The following KDM1B variants were observed in gnomAD, a reference collection of about 807,000 sequenced individuals.
KDM1B encodes lysine demethylase 1B, also known as lysine-specific histone demethylase 2.
Under a neutral mutation model 107.4 loss-of-function variants are expected in KDM1B, and 63 were observed. That is an observed-to-expected ratio of 0.59 (90% CI 0.48 to 0.72). The LOEUF is 0.72. Among genes scored for constraint, KDM1B ranks in the 30% least tolerant of loss-of-function variants. The pLI is 0.00. For synonymous variants in KDM1B, 363 were observed against 363.9 expected, an observed-to-expected ratio of 1.00 and a Z score of 0.03; for missense variants, 749 against 1,020.8, an observed-to-expected ratio of 0.73 and a Z score of 3.63.
intron 6 of KDM1B, among the ~76,000 whole-genome samples, chr6:18,167,924 G>C (rs527760102): frequency 1.3e-5 from 2 of 151,976 alleles, no homozygotes; most frequent in South Asian, 2.1e-4. Context: ...ACCATGTCCA[G>C]CTAATTTGTT....
chr6:18,163,475 G>T (rs1048630168), intron 5 of KDM1B, among the ~76,000 whole-genome samples: 3 of 151,858 alleles, frequency 2.0e-5, no homozygotes, highest in African/African-American at 7.3e-5. Context: ...TTTGCTTTAG[G>T]TTTAATTTTT....
At chr6:18,156,993 A>G (rs553421605) in intron 2 of KDM1B, among the ~76,000 whole-genome samples, 3 of 152,332 alleles carry the variant, frequency 2.0e-5, no homozygotes, top group Admixed American at 2.0e-4. Context: ...CTACATATTG[A>G]TATATCCACT....
At chr6:18,206,665 T>C (rs1225749503) in intron 15 of KDM1B, among the ~76,000 whole-genome samples, 1 of 152,064 alleles carries the variant, frequency 6.6e-6, no homozygotes, top group Non-Finnish European at 1.5e-5. Flanking sequence ...TCTCAAGTGA[T>C]CCTCCTGCCT....
chr6:18,171,840 A>G (rs1303955374), intron 7 of KDM1B, among the ~76,000 whole-genome samples: 1 of 152,154 alleles, frequency 6.6e-6, no homozygotes, highest in Non-Finnish European at 1.5e-5. Context: ...AAAAGGGGGA[A>G]AGGTCAAAGG....
Position 18,166,309 on chromosome 6 carries a change from A to G in KDM1B, c.348A>G (p.Ile116Met), listed in dbSNP as rs149694322. The change falls in exon 6 of 22, where the codon ATA becomes ATG. Residue 116 changes from isoleucine (I) to methionine (M), a missense_variant. Coordinates refer to ENST00000650836, the MANE Select transcript of KDM1B (RefSeq NM_001364614.2). ...GYDKYTTWKK[I>M]WTSNGKTEPS... ...ACAAATATACTACATGGAAAAAAAT[A>G]TGGACTAGCAATGGCAAAACCGAAC... The G allele has an allele frequency of 1.2e-6, 2 of 1,612,322 alleles. No homozygotes were observed. The highest frequency in any genetic ancestry group is 2.2e-5 in the East Asian group (1 of 44,876).
chr6:18,211,118 A>G lies in KDM1B; in HGVS notation c.1867-1370A>G, dbSNP rs564236087. 1.3e-5 allele frequency among the ~76,000 whole-genome samples: 2 copies of G among 152,208 alleles called. No homozygotes were observed. The highest frequency in any genetic ancestry group is 4.1e-4 in the South Asian group (2 of 4,832). ...GGTTGCATGGTAATTATCTATAAAT[A>G]GATTATAAACTTCTTGATGATAGAG... On this transcript the variant is annotated intron_variant, in intron 17 of 21. Transcript: ENST00000650836. The surrounding 1 kb of genome is among the most constrained non-coding windows in gnomAD (Gnocchi z 5.2).
intron 2 of KDM1B, among the ~76,000 whole-genome samples, chr6:18,157,572 C>T (rs1434705365): frequency 6.6e-6 from 1 of 151,882 alleles, no homozygotes; most frequent in African/African-American, 2.4e-5. Context: ...GATATTTTTG[C>T]TATAATACTT....
At position 18,162,470 on chromosome 6, in the gene KDM1B, C is replaced by T. The variant is rs560364907; in HGVS notation, c.216-365C>T. 6.6e-6 allele frequency among the ~76,000 whole-genome samples: 1 copy of T among 152,174 alleles called. No individual in the cohort carries two copies. Among genetic ancestry groups the T allele is most frequent in the East Asian group, 1.9e-4 (1 of 5,184 alleles). On this transcript the variant is annotated intron_variant, in intron 4 of 21. Transcript: ENST00000650836. This position sits in a 1 kb window ranked among gnomAD's most constrained non-coding sequence, Gnocchi z 4.1. ...GCTTGATGTTCAGATTTCAGCTGAC[C>T]AGATTCCCTCGCTGTTCAGTACTGG... is the stretch of plus-strand genomic sequence containing the variant.
At chr6:18,180,255 A>G (rs1390249215) in intron 7 of KDM1B, among the ~76,000 whole-genome samples, 1 of 151,996 alleles carries the variant, frequency 6.6e-6, no homozygotes, top group Admixed American at 6.6e-5. Flanking sequence ...TGAAAATACC[A>G]TGAACAGGCA....
rs1788622186 is a variant in KDM1B at position 18,208,947 on chromosome 6, CT to C, written c.1866+742del. Among the ~76,000 whole-genome samples, 2 of 151,858 alleles carry C rather than the reference CT, an allele frequency of 1.3e-5. 1 individual carries two copies. Among genetic ancestry groups the C allele is most frequent in the South Asian group, 4.1e-4 (2 of 4,824 alleles). On this transcript the variant is annotated intron_variant, in intron 17 of 21. Transcript: ENST00000650836. ...GGGGTAACAGGCGTGAGCCACTGTG[CT>C]CCGCCCAAATAGAAGTATATTAAAG...
intron 2 of KDM1B, among the ~76,000 whole-genome samples, chr6:18,156,258 T>A (rs1342441855): frequency 2.0e-5 from 3 of 152,108 alleles, no homozygotes; most frequent in Non-Finnish European, 4.4e-5. Context: ...TTAGGGTAGC[T>A]GTTAGTCAAC....
intron 7 of KDM1B, among the ~76,000 whole-genome samples, chr6:18,184,885 A>G (rs1454637025): frequency 6.6e-6 from 1 of 151,080 alleles, no homozygotes; most frequent in East Asian, 1.9e-4. Flanking sequence ...ACAGGCATGC[A>G]CCACCAAGCC....
At position 18,222,013 on chromosome 6, in the gene KDM1B, T is replaced by C. The variant is rs762220185; in HGVS notation, c.*21T>C. On this transcript the variant is annotated 3_prime_UTR_variant, in exon 22 of 22. Transcript: ENST00000650836. ...TTTAAGAATTCGGTGGACCCAGCTT[T>C]CTTCTGTACCCCAGATGGGGAAATT... The C allele has an allele frequency of 2.5e-6, 4 of 1,608,502 alleles. No homozygotes were observed. The highest frequency in any genetic ancestry group is 3.4e-6 in the Non-Finnish European group (4 of 1,174,860).
chr6:18,160,582 CA>C (rs201363153), intron 3 of KDM1B, among the ~76,000 whole-genome samples: 2,619 of 151,910 alleles, frequency 0.017, 40 homozygotes, highest in African/African-American at 0.048. Context: ...ACTAAATATG[CA>C]AAAAATTAGC....
In KDM1B at chr6:18,179,836, A is replaced by ACTAGATATTTTTTCTTTTT. The variant is rs369714077; in HGVS notation, c.535-5936_535-5935insCTAGATATTTTTTCTTTTT. Among the ~76,000 whole-genome samples, 24 of 83,520 alleles carry ACTAGATATTTTTTCTTTTT rather than the reference A, an allele frequency of 2.9e-4. 11 individuals are homozygous for ACTAGATATTTTTTCTTTTT. Among genetic ancestry groups the ACTAGATATTTTTTCTTTTT allele is most frequent in the African/African-American group, 2.9e-4 (6 of 20,340 alleles). 54.8% of individuals were successfully genotyped at this position (83,520 alleles called of 152,430 possible). On this transcript the variant is annotated intron_variant, in intron 7 of 21. Transcript: ENST00000650836. ...CTATTCCAAAATCTTTCAATTTAGCATTGGTTTTTTTTCCTTTTTTTTTTT... is the reference window on the plus strand; with the variant it reads ...CTATTCCAAAATCTTTCAATTTAGCACTAGATATTTTTTCTTTTTTTGGTTTTTTTTCCTTTTTTTTTTT...
chr6:18,219,758 A>G (rs1425978772), intron 21 of KDM1B, among the ~76,000 whole-genome samples: 1 of 152,204 alleles, frequency 6.6e-6, no homozygotes, highest in Non-Finnish European at 1.5e-5. Context: ...AAGCTCCAGC[A>G]AGCTTATCAA....
At chr6:18,219,937 ATC>A (rs1789550594) in intron 21 of KDM1B, among the ~76,000 whole-genome samples, 1 of 152,214 alleles carries the variant, frequency 6.6e-6, no homozygotes, top group Non-Finnish European at 1.5e-5. Context: ...TCTAAGTCAC[ATC>A]TCTGAGGAGT....
In KDM1B at chr6:18,214,829, G is replaced by A. The variant is rs539251881; in HGVS notation, c.2110-178G>A. Reference sequence around the variant, plus strand: ...GGAGGCTGAGGCAGGAGAATCACTTGAACCTGGGAGGCAGAGGTTGCAGTG... The same window carrying A: ...GGAGGCTGAGGCAGGAGAATCACTTAAACCTGGGAGGCAGAGGTTGCAGTG... On this transcript the variant is annotated intron_variant, in intron 19 of 21. Coordinates refer to ENST00000650836, the MANE Select transcript of KDM1B (RefSeq NM_001364614.2). This position sits in a 1 kb window ranked among gnomAD's most constrained non-coding sequence, Gnocchi z 4.4. Among the ~76,000 whole-genome samples the A allele has an allele frequency of 6.6e-6, 1 of 152,304 alleles. No individual in the cohort carries two copies. Among genetic ancestry groups the A allele is most frequent in the East Asian group, 1.9e-4 (1 of 5,180 alleles).
At chr6:18,160,487 C>A (rs1210856499) in intron 3 of KDM1B, among the ~76,000 whole-genome samples, 1 of 152,084 alleles carries the variant, frequency 6.6e-6, no homozygotes, top group African/African-American at 2.4e-5. Context: ...ACCTGCAATC[C>A]CAGCACTTTG....
Sources: gnomAD v4.1 joint callset for allele counts (sites outside exome capture counted in the v4.1 genomes callset) on GRCh38, gnomAD v4.1.1 for gene constraint, Gnocchi (gnomAD v3.1) non-coding constraint, MANE v1.5 for transcripts, NCBI Gene and HGNC (gene_info 2026-07-23, HGNC 2026-07-21) for gene names.